Variants in CRISPLD1 observed in about 807,000 individuals in gnomAD.
The protein encoded by CRISPLD1 is cysteine-rich secretory protein LCCL domain-containing 1.
In CRISPLD1, 60 loss-of-function variants were observed where a neutral mutation model predicts 77.5. That is an observed-to-expected ratio of 0.77 (90% CI 0.63 to 0.96). CRISPLD1 has a LOEUF of 0.96. Among genes scored for constraint, CRISPLD1 ranks in the 40% least tolerant of loss-of-function variants. The probability of loss-of-function intolerance (pLI) is 0.00; values close to 1 mark genes in which losing one functional copy is unlikely to be tolerated. For synonymous variants in CRISPLD1, 195 were observed against 200.1 expected (o/e 0.97, Z 0.22); for missense variants, 623 against 615.8 (o/e 1.01, Z -0.12).
In CRISPLD1 at chr8:75,017,391, T is replaced by C. The variant is rs200771634; in HGVS notation, c.1068T>C (p.Thr356=). The C allele has an allele frequency of 3.5e-5, 56 of 1,611,288 alleles. No individual in the cohort carries two copies. In the East Asian group the frequency reaches 1.2e-3, roughly 34 times the overall value. Residue 356 remains threonine (T), a synonymous_variant, in exon 10 of 15, where the codon ACT becomes ACC. Transcript: ENST00000262207. ...IDNDGGWVDI[T]RQGRKHYFIK... is the part of the protein sequence containing the mutation. ...ATGATGGTGGCTGGGTAGATATCAC[T>C]AGACAAGGAAGAAAGCATTATTTCA...
intron 2 of CRISPLD1, chr8:75,000,328 G>A: frequency 1.0e-6 from 1 of 985,342 alleles, no homozygotes; most frequent in Non-Finnish European, 1.2e-6. Context: ...AGCTCTTGAA[G>A]GAAGATGGAA....
intron 2 of CRISPLD1, among the ~76,000 whole-genome samples, chr8:75,007,594 G>GAGTCCCGCTCTGTCACCCAGGC (rs1812854960): frequency 6.6e-6 from 1 of 150,472 alleles, no homozygotes. Context: ...TTTTGAGACT[G>GAGTCCCGCTCTGTCACCCAGGC]AGTCCCGCTC....
At chr8:75,026,949 G>A (rs1456844050) in intron 13 of CRISPLD1, 1 of 152,096 alleles carries the variant, frequency 6.6e-6, no homozygotes, top group African/African-American at 2.4e-5. Flanking sequence ...TTGAAATACA[G>A]TATTTTTGCA....
At chr8:75,001,024 A>G (rs1382133226) in intron 2 of CRISPLD1, among the ~76,000 whole-genome samples, 1 of 152,096 alleles carries the variant, frequency 6.6e-6, no homozygotes, top group Admixed American at 6.6e-5. Flanking sequence ...ATATCATTGC[A>G]AGTTTGATGT....
At position 75,014,243 on chromosome 8, in the gene CRISPLD1, A is replaced by G. The variant is rs140940577; in HGVS notation, c.626+141A>G. Reference sequence around the variant, plus strand: ...ATTCTGTTTATTTAATATGGCAACAATTGTAGTTGCCTAATGCATAAAATA... The same window carrying G: ...ATTCTGTTTATTTAATATGGCAACAGTTGTAGTTGCCTAATGCATAAAATA... On this transcript the variant is annotated intron_variant, in intron 5 of 14. Transcript: ENST00000262207. 5,385 of 624,010 alleles carry G rather than the reference A, an allele frequency of 8.6e-3. 56 individuals carry two copies. Among genetic ancestry groups the G allele is most frequent in the East Asian group, 0.041 (1,412 of 34,176 alleles). The allele number at this position is 624,010 out of a possible 1,614,324, so 38.7% of individuals were successfully genotyped here.
intron 2 of CRISPLD1, 89 bp from the exon 3 acceptor site, chr8:75,012,342 AAG>A: frequency 2.6e-6 from 2 of 762,626 alleles, no homozygotes; most frequent in Middle Eastern, 2.4e-4. Flanking sequence ...TAAAGAAAGA[AAG>A]AAGAAAATGT....
chr8:75,031,021 C>T (rs1473914176), intron 14 of CRISPLD1, among the ~76,000 whole-genome samples: 2 of 151,920 alleles, frequency 1.3e-5, no homozygotes, highest in East Asian at 3.9e-4. Context: ...AGTCTGTAGG[C>T]TCAGAGATAT....
At chr8:75,018,118 A>T (rs1374051876) in intron 10 of CRISPLD1, among the ~76,000 whole-genome samples, 1 of 152,130 alleles carries the variant, frequency 6.6e-6, no homozygotes, top group Non-Finnish European at 1.5e-5. Context: ...GTTCATACAG[A>T]ACTCCTTTTC....
chr8:75,005,490 A>G (rs1455810), intron 2 of CRISPLD1, among the ~76,000 whole-genome samples: 2 of 152,026 alleles, frequency 1.3e-5, no homozygotes, highest in Non-Finnish European at 2.9e-5. Flanking sequence ...ATACTTTTGT[A>G]TCTGTCTGTA....
At chr8:75,016,288 A>G (rs900094319) in intron 6 of CRISPLD1, among the ~76,000 whole-genome samples, 2 of 152,182 alleles carry the variant, frequency 1.3e-5, no homozygotes, top group East Asian at 3.8e-4. Flanking sequence ...AAATCAAACA[A>G]TGATATGTTG....
chr8:75,028,639 A>G (rs1813277279), intron 13 of CRISPLD1, among the ~76,000 whole-genome samples: 2 of 152,198 alleles, frequency 1.3e-5, no homozygotes, highest in South Asian at 4.1e-4. Context: ...ATTCAAAAGT[A>G]TTGGACCTGA....
chr8:75,020,195 C>A, intron 12 of CRISPLD1, 116 bp downstream of exon 12: 1 of 794,038 alleles, frequency 1.3e-6, no homozygotes, highest in Non-Finnish European at 2.1e-6. Flanking sequence ...CAGGAGGGAG[C>A]AATGAAACAT....
In CRISPLD1 at chr8:75,025,584, A is replaced by G; in HGVS notation, c.1283A>G (p.His428Arg). Residue 428 changes from histidine to arginine, a missense_variant, in exon 13 of 15, where the codon CAT becomes CGT. Coordinates refer to ENST00000262207, the MANE Select transcript of CRISPLD1 (RefSeq NM_031461.6). ...CGTAACTGTATGCAAGCAAATCCAC[A>G]TTATGCTCGTGTAATTGGAACTCGA... ...CPRNCMQANP[H>R]YARVIGTRVY... is the part of the protein sequence containing the mutation. The G allele has an allele frequency of 6.3e-7, 1 of 1,591,608 alleles. No homozygotes were observed.
chr8:74,992,547 G>T (rs973656837), intron 2 of CRISPLD1, among the ~76,000 whole-genome samples: 1 of 152,108 alleles, frequency 6.6e-6, no homozygotes, highest in Admixed American at 6.5e-5. Flanking sequence ...ACCAGGGAGG[G>T]CACCTGACCT....
chr8:74,992,654 G>T (rs934486092), intron 2 of CRISPLD1, among the ~76,000 whole-genome samples: 1 of 152,148 alleles, frequency 6.6e-6, no homozygotes, highest in African/African-American at 2.4e-5. Flanking sequence ...CTACTGGGGG[G>T]TTGATTGCTA....
At chr8:74,993,626 A>G (rs1812606910) in intron 2 of CRISPLD1, among the ~76,000 whole-genome samples, 1 of 152,150 alleles carries the variant, frequency 6.6e-6, no homozygotes, top group Admixed American at 6.5e-5. Context: ...ATACCTATAG[A>G]AAAAAAAGTG....
intron 12 of CRISPLD1, among the ~76,000 whole-genome samples, chr8:75,023,787 AGTGCGT>A (rs1001047918): frequency 3.9e-5 from 5 of 127,562 alleles, no homozygotes; most frequent in African/African-American, 1.7e-4. Context: ...TTTAGTGATG[AGTGCGT>A]GTGTGTGTGT....
chr8:74,995,697 T>G (rs1054820183), intron 2 of CRISPLD1, among the ~76,000 whole-genome samples: 1 of 152,232 alleles, frequency 6.6e-6, no homozygotes, highest in Non-Finnish European at 1.5e-5. Flanking sequence ...TTAGAAGAGA[T>G]AATTCAATTA....
At chr8:75,029,269 A>C in intron 13 of CRISPLD1, 118 bp from the exon 14 acceptor site, 1 of 1,004,008 alleles carries the variant, frequency 1.0e-6, no homozygotes, top group Non-Finnish European at 1.4e-6. Context: ...GTAGCTGCTC[A>C]CTGGCTATCC....
Sources: allele counts gnomAD v4.1 joint callset (sites outside exome capture counted in the v4.1 genomes callset), GRCh38; gene constraint gnomAD v4.1.1; transcripts MANE v1.5; gene names NCBI Gene and HGNC (gene_info 2026-07-23, HGNC 2026-07-21).